The following PLS1 variants were observed in gnomAD, a reference collection of about 807,000 sequenced individuals.
The protein encoded by PLS1 is plastin 1.
A neutral mutation model predicts 73.7 loss-of-function variants in PLS1; 32 were observed. That is an observed-to-expected ratio of 0.43 (90% CI 0.33 to 0.58). The LOEUF is 0.58. Ranked by LOEUF, PLS1 falls within the 20% of genes least tolerant of loss-of-function variation. PLS1 has a pLI of 0.04. For missense variants in PLS1, 633 were observed against 740.5 expected (o/e 0.85, Z 1.68); for synonymous variants, 217 against 261.3 (o/e 0.83, Z 1.63).
chr3:142,625,779 TC>T (rs960221121), intron 1 of PLS1, among the ~76,000 whole-genome samples: 5 of 151,838 alleles, frequency 3.3e-5, no homozygotes, highest in African/African-American at 1.2e-4. Flanking sequence ...TTCAAAACCA[TC>T]CTGGGCAACA....
rs182822787 is a variant in PLS1, at chr3:142,605,057, G to A, written c.-37+8548G>A. Among the ~76,000 whole-genome samples, 10 of 152,274 alleles carry A rather than the reference G, an allele frequency of 6.6e-5. 1 individual carries two copies. Among genetic ancestry groups the A allele is most frequent in the African/African-American group, 2.4e-4 (10 of 41,552 alleles). On this transcript the variant is annotated intron_variant, in intron 1 of 15. Coordinates refer to ENST00000457734, the MANE Select transcript of PLS1 (RefSeq NM_001145319.2). The stretch of plus-strand genomic sequence containing the variant: ...TTTAAAGTTTAGATACCTGAAACCA[G>A]TTGGCCTATGATCAGAACCATGGAT...
At chr3:142,695,783 TATTTA>T (rs1393592821) in intron 11 of PLS1, among the ~76,000 whole-genome samples, 1 of 137,470 alleles carries the variant, frequency 7.3e-6, no homozygotes, top group South Asian at 2.1e-4. Flanking sequence ...TTTATTTATT[TATTTA>T]TTTATTTATT....
chr3:142,631,889 A>ACTTC, intron 1 of PLS1, among the ~76,000 whole-genome samples: 1 of 152,176 alleles, frequency 6.6e-6, no homozygotes, highest in African/African-American at 2.4e-5. Context: ...AAACCAAAAA[A>ACTTC]CTTCTGCACA....
intron 1 of PLS1, among the ~76,000 whole-genome samples, chr3:142,662,536 C>T (rs1053741448): frequency 1.2e-4 from 18 of 152,266 alleles, no homozygotes; most frequent in Non-Finnish European, 2.2e-4. Flanking sequence ...TGCATGTTCT[C>T]TGCACATGTA....
chr3:142,650,515 G>A (rs1481372784), intron 1 of PLS1, among the ~76,000 whole-genome samples: 1 of 151,994 alleles, frequency 6.6e-6, no homozygotes, highest in East Asian at 1.9e-4. Context: ...ATTATATAAC[G>A]CTTTACAAAA....
At chr3:142,679,283 T>C (rs1236059204) in intron 6 of PLS1, among the ~76,000 whole-genome samples, 3 of 151,362 alleles carry the variant, frequency 2.0e-5, no homozygotes, top group African/African-American at 7.3e-5. Context: ...TTTAATTAGA[T>C]CCCATTTGTC....
At chr3:142,710,938 A>C (rs1533939) in intron 14 of PLS1, among the ~76,000 whole-genome samples, 19,806 of 152,132 alleles carry the variant, frequency 0.13, 1,488 homozygotes, top group East Asian at 0.19. Flanking sequence ...CTGGTTGTGT[A>C]AACAAGTCAT....
At chr3:142,658,552 C>G (rs2037293458) in intron 1 of PLS1, among the ~76,000 whole-genome samples, 1 of 151,652 alleles carries the variant, frequency 6.6e-6, no homozygotes, top group South Asian at 2.1e-4. Context: ...CTACATAGAC[C>G]ACCACTATTC....
chr3:142,611,274 G>A (rs898789766), intron 1 of PLS1, among the ~76,000 whole-genome samples: 1 of 152,180 alleles, frequency 6.6e-6, no homozygotes, highest in African/African-American at 2.4e-5. Context: ...CCCTGGTCTA[G>A]AATGAGCTCT....
chr3:142,655,825 G>A (rs371811980), intron 1 of PLS1, among the ~76,000 whole-genome samples: 64 of 152,030 alleles, frequency 4.2e-4, no homozygotes, highest in African/African-American at 1.4e-3. Context: ...TCATAATGGT[G>A]CATAATTGAA....
intron 12 of PLS1, among the ~76,000 whole-genome samples, chr3:142,700,531 G>A (rs189108411): frequency 8.5e-5 from 13 of 152,248 alleles, no homozygotes; most frequent in South Asian, 2.1e-4. Flanking sequence ...CACCGTGTTA[G>A]CCAGGATGGT....
At chr3:142,670,940 G>T in intron 3 of PLS1, 53 bp from the exon 4 acceptor site, 1 of 1,255,684 alleles carries the variant, frequency 8.0e-7, no homozygotes. Context: ...TATCCATTTT[G>T]TCAGGTTTTT....
intron 1 of PLS1, among the ~76,000 whole-genome samples, chr3:142,611,289 T>G (rs1209091794): frequency 6.6e-6 from 1 of 152,226 alleles, no homozygotes; most frequent in Non-Finnish European, 1.5e-5. Context: ...AGCTCTGTGT[T>G]ATTTTATTCT....
intron 1 of PLS1, among the ~76,000 whole-genome samples, chr3:142,643,276 C>A (rs963127699): frequency 2.0e-5 from 3 of 152,162 alleles, no homozygotes; most frequent in Non-Finnish European, 2.9e-5. Context: ...AGGTGGCTCT[C>A]TTGCAGAGAA....
At chr3:142,609,246 A>T (rs1022828983) in intron 1 of PLS1, among the ~76,000 whole-genome samples, 1 of 152,206 alleles carries the variant, frequency 6.6e-6, no homozygotes, top group Admixed American at 6.5e-5. Flanking sequence ...TGCAGTAACA[A>T]ATTAACTGTG....
intron 14 of PLS1, among the ~76,000 whole-genome samples, chr3:142,709,689 C>T (rs766435630): frequency 6.6e-6 from 1 of 151,854 alleles, no homozygotes; most frequent in South Asian, 2.1e-4. Context: ...TGGTGGCCGG[C>T]GCCTGTAGTC....
chr3:142,684,000 A>T lies in PLS1; in HGVS notation c.580-6A>T. 2 of 1,583,240 alleles carry T rather than the reference A, an allele frequency of 1.3e-6. No individual in the cohort carries two copies. The highest frequency in any genetic ancestry group is 1.8e-4 in the Middle Eastern group (1 of 5,688). ...CTCATGTGTACTTTTTTTTTTGGCA[A>T]TTCAGGAAAATTTAAACCTAGCTCT... On this transcript the variant is annotated splice_region_variant and splice_polypyrimidine_tract_variant and intron_variant, in intron 6 of 15. Coordinates refer to ENST00000457734, the MANE Select transcript of PLS1 (RefSeq NM_001145319.2).
In PLS1 at chr3:142,617,766, T is replaced by G. The variant is rs528511710; in HGVS notation, c.-37+21257T>G. 8.6e-5 allele frequency among the ~76,000 whole-genome samples: 13 copies of G among 151,720 alleles called. No homozygotes were observed. The South Asian group carries it at 2.5e-3, about 29-fold the overall frequency. On this transcript the variant is annotated intron_variant, in intron 1 of 15. Transcript: ENST00000457734. ...GCTGAGGCAGGTGGATCACTTGAGG[T>G]CGGGAGTTTAAGACAAGCCGATTCA...
intron 6 of PLS1, among the ~76,000 whole-genome samples, chr3:142,680,188 T>A (rs2037819278): frequency 6.6e-6 from 1 of 152,216 alleles, no homozygotes; most frequent in African/African-American, 2.4e-5. Context: ...CTCAGCTTCC[T>A]GAGTTGTTAG....
Sources: gnomAD v4.1 joint callset for allele counts (sites outside exome capture counted in the v4.1 genomes callset) on GRCh38, gnomAD v4.1.1 for gene constraint, MANE v1.5 for transcripts, NCBI Gene and HGNC (gene_info 2026-07-23, HGNC 2026-07-21) for gene names.